The following STX8 variants were observed in gnomAD, a reference collection of about 807,000 sequenced individuals.
STX8 encodes syntaxin 8, also known as syntaxin-8.
Under a neutral mutation model 37.5 loss-of-function variants are expected in STX8, and 23 were observed. The ratio of observed to expected loss-of-function variants is 0.61; its 90% confidence interval spans 0.44 to 0.87. The LOEUF is 0.87. STX8 is among the 40% of genes least tolerant of loss of function. STX8 has a pLI of 0.00. For missense variants in STX8, 313 were observed against 284.7 expected (o/e 1.10, Z -0.71); for synonymous variants, 115 against 99.1 (o/e 1.16, Z -0.95).
intron 6 of STX8, chr17:9,437,772 A>G (rs529144855): frequency 6.6e-6 from 1 of 152,304 alleles, no homozygotes; most frequent in South Asian, 2.1e-4. Context: ...TTTGTCAGTC[A>G]AAGAAATTAA....
chr17:9,295,876 C>T (rs557715218), intron 7 of STX8, among the ~76,000 whole-genome samples: 103 of 117,004 alleles, frequency 8.8e-4, no homozygotes, highest in Admixed American at 2.0e-3. Context: ...GAAACCCCAT[C>T]TCTACCAAAA....
intron 6 of STX8, among the ~76,000 whole-genome samples, chr17:9,453,596 G>C (rs543482931): frequency 6.7e-6 from 1 of 149,386 alleles, no homozygotes; most frequent in Admixed American, 6.7e-5. Flanking sequence ...GGGTTCAAGC[G>C]ATTCTCCTGC....
intron 7 of STX8, among the ~76,000 whole-genome samples, chr17:9,311,973 G>A (rs867329856): frequency 6.6e-5 from 10 of 151,290 alleles, no homozygotes; most frequent in Non-Finnish European, 8.8e-5. Context: ...TCAGCCTCCC[G>A]AGTAGCTGAG....
chr17:9,315,120 A>G (rs566909931), intron 7 of STX8, among the ~76,000 whole-genome samples: 1 of 150,322 alleles, frequency 6.7e-6, no homozygotes, highest in East Asian at 2.0e-4. Flanking sequence ...AAAAAAACCA[A>G]CAACAACAAC....
At chr17:9,539,866 T>C (rs907458693) in intron 4 of STX8, among the ~76,000 whole-genome samples, 1 of 152,114 alleles carries the variant, frequency 6.6e-6, no homozygotes, top group African/African-American at 2.4e-5. Flanking sequence ...CAAAGATAGA[T>C]AGAGCTGAGC....
At chr17:9,294,104 T>C (rs1167367387) in intron 7 of STX8, among the ~76,000 whole-genome samples, 1 of 152,178 alleles carries the variant, frequency 6.6e-6, no homozygotes, top group African/African-American at 2.4e-5. Flanking sequence ...AAGCAAATGA[T>C]GAAGATTCCA....
chr17:9,559,732 TTTTATA>T (rs892447577), intron 2 of STX8, among the ~76,000 whole-genome samples: 1 of 46,542 alleles, frequency 2.1e-5, no homozygotes, highest in African/African-American at 7.0e-5. Flanking sequence ...ATTATTATTA[TTTTATA>T]TATATATATA....
At chr17:9,290,205 T>C (rs146195700) in intron 7 of STX8, among the ~76,000 whole-genome samples, 11 of 152,276 alleles carry the variant, frequency 7.2e-5, no homozygotes, top group African/African-American at 2.4e-4. Context: ...AACAGGTGAC[T>C]CTTGCTTTCT....
At chr17:9,282,518 A>G (rs761864533) in intron 7 of STX8, among the ~76,000 whole-genome samples, 2 of 152,172 alleles carry the variant, frequency 1.3e-5, no homozygotes, top group East Asian at 3.8e-4. Flanking sequence ...ACATTACATT[A>G]TTTGAAAGTA....
rs559117751 is a variant in STX8 at position 9,310,455 on chromosome 17, C to T, written c.644-59810G>A. On this transcript the variant is annotated intron_variant, in intron 7 of 7. Transcript: ENST00000306357. ...TATTCACTACCTGGAGGAATTCAGT[C>T]TTGCCCCCACCTGTCTGCTTAAAGT... 2.0e-5 allele frequency among the ~76,000 whole-genome samples: 3 copies of T among 152,314 alleles called. No individual in the cohort carries two copies. The South Asian group carries it at 6.2e-4, about 32-fold the overall frequency.
intron 6 of STX8, among the ~76,000 whole-genome samples, chr17:9,448,200 C>T (rs1038572259): frequency 1.3e-4 from 19 of 151,512 alleles, no homozygotes; most frequent in Admixed American, 1.1e-3. Context: ...GTTTGATCCT[C>T]ATTATTCATG....
chr17:9,515,016 G>A (rs773117375), intron 4 of STX8, among the ~76,000 whole-genome samples: 2 of 152,102 alleles, frequency 1.3e-5, no homozygotes, highest in Non-Finnish European at 2.9e-5. Context: ...TTATTATATA[G>A]TCGGCATTGC....
intron 7 of STX8, among the ~76,000 whole-genome samples, chr17:9,274,760 TTTTTTTTTTG>T: frequency 7.7e-6 from 1 of 129,686 alleles, no homozygotes; most frequent in Non-Finnish European, 1.7e-5. Flanking sequence ...TCTTTTTTTT[TTTTTTTTTTG>T]AGACGGAGTC....
At chr17:9,259,896 TAAC>T in intron 7 of STX8, among the ~76,000 whole-genome samples, 1 of 152,070 alleles carries the variant, frequency 6.6e-6, no homozygotes, top group African/African-American at 2.4e-5. Flanking sequence ...GCTGCATAAA[TAAC>T]AATAATAATA....
intron 6 of STX8, among the ~76,000 whole-genome samples, chr17:9,391,668 A>AG (rs199845304): frequency 1.1e-4 from 15 of 134,204 alleles, no homozygotes; most frequent in Non-Finnish European, 1.9e-4. Flanking sequence ...TAAAAAGATG[A>AG]GGGAAAAAAA....
intron 1 of STX8, among the ~76,000 whole-genome samples, chr17:9,574,656 T>A (rs1413254914): frequency 6.6e-6 from 1 of 152,030 alleles, no homozygotes; most frequent in Non-Finnish European, 1.5e-5. Context: ...TGCCTCAGTC[T>A]CCCGAGTAGC....
At chr17:9,537,510 A>T (rs528182572) in intron 4 of STX8, among the ~76,000 whole-genome samples, 1 of 152,324 alleles carries the variant, frequency 6.6e-6, no homozygotes, top group Admixed American at 6.5e-5. Flanking sequence ...AGGCAGGCAA[A>T]AAAGCTTTCA....
chr17:9,429,973 T>G (rs377565930), intron 6 of STX8, among the ~76,000 whole-genome samples: 2 of 304 alleles, frequency 6.6e-3, no homozygotes, highest in South Asian at 0.17. Flanking sequence ...ATATTATATA[T>G]TATATAGAAT....
At chr17:9,551,329 T>C (rs1319254330) in intron 3 of STX8, among the ~76,000 whole-genome samples, 1 of 152,196 alleles carries the variant, frequency 6.6e-6, no homozygotes, top group Non-Finnish European at 1.5e-5. Flanking sequence ...ACTATTTTAA[T>C]ACCATCATTG....
Sources: allele counts gnomAD v4.1 joint callset (sites outside exome capture counted in the v4.1 genomes callset), GRCh38; gene constraint gnomAD v4.1.1; transcripts MANE v1.5; gene names NCBI Gene and HGNC (gene_info 2026-07-23, HGNC 2026-07-21).